Variants in ANKRD11 observed in about 807,000 individuals in gnomAD.
The protein encoded by ANKRD11 is ankyrin repeat domain 11.
In ANKRD11, 17 loss-of-function variants were observed where a neutral mutation model predicts 195.7. The ratio of observed to expected loss-of-function variants is 0.09; its 90% CI spans 0.06 to 0.13. The LOEUF is 0.13. Ranked by LOEUF, ANKRD11 falls within the 10% of genes least tolerant of loss-of-function variation. ANKRD11 has a pLI of 1.00. For synonymous variants in ANKRD11, 1,953 were observed against 1,528.1 expected, an observed-to-expected ratio of 1.28 and a Z score of -6.49; for missense variants, 3,735 against 3,566.1, an observed-to-expected ratio of 1.05 and a Z score of -1.21.
chr16:89,449,814 T>A (rs551412765), intron 1 of ANKRD11, among the ~76,000 whole-genome samples: 1 of 152,086 alleles, frequency 6.6e-6, no homozygotes, highest in African/African-American at 2.4e-5. Context: ...AAAGTGTGCA[T>A]ACCAACCTGG....
Position 89,279,882 on chromosome 16 carries a change from C to T in ANKRD11, c.6660G>A (p.Ala2220=), listed in dbSNP as rs1274713579. ...EPKLDVALEA[A]VEAETVPEER... Reference sequence around the variant, plus strand: ...CTTCCGGCACCGTCTCCGCCTCCACCGCAGCTTCTAGAGCCACGTCCAGCT... The same window carrying T: ...CTTCCGGCACCGTCTCCGCCTCCACTGCAGCTTCTAGAGCCACGTCCAGCT... Residue 2220 remains alanine (A), a synonymous_variant, in exon 9 of 13, where the codon GCG becomes GCA. Coordinates refer to ENST00000301030, the MANE Select transcript of ANKRD11 (RefSeq NM_013275.6). This position sits in a 1 kb window ranked among gnomAD's most constrained non-coding sequence, Gnocchi z 5.6. The T allele has an allele frequency of 5.0e-6, 8 of 1,592,760 alleles. No homozygotes were observed. Among genetic ancestry groups the T allele is most frequent in the East Asian group, 4.5e-5 (2 of 44,102 alleles).
chr16:89,398,389 G>C (rs1182487016), intron 2 of ANKRD11, among the ~76,000 whole-genome samples: 6 of 88,110 alleles, frequency 6.8e-5, no homozygotes. Flanking sequence ...TGAAACAGAT[G>C]AAGATTACCT....
chr16:89,295,392 G>A (rs1296314054), intron 4 of ANKRD11, among the ~76,000 whole-genome samples: 1 of 152,190 alleles, frequency 6.6e-6, no homozygotes, highest in African/African-American at 2.4e-5. Flanking sequence ...TAAGAAACAA[G>A]GCCCGTAGGG....
intron 2 of ANKRD11, chr16:89,392,519 A>C (rs757709116): frequency 1.3e-5 from 2 of 152,008 alleles, no homozygotes; most frequent in Non-Finnish European, 1.5e-5. Context: ...CATGTTTTCC[A>C]TGAGCAGCAC....
chr16:89,489,620 G>A (rs1406401460), intron 1 of ANKRD11, among the ~76,000 whole-genome samples: 1 of 151,966 alleles, frequency 6.6e-6, no homozygotes, highest in African/African-American at 2.4e-5. Context: ...CACGGCGAAG[G>A]CGCCCCTCTC....
intron 1 of ANKRD11, among the ~76,000 whole-genome samples, chr16:89,486,935 G>A (rs193093848): frequency 1.6e-3 from 240 of 151,870 alleles, no homozygotes; most frequent in African/African-American, 5.6e-3. Context: ...CTTAAACCCA[G>A]GAGGTGGAGG....
intron 2 of ANKRD11, among the ~76,000 whole-genome samples, chr16:89,368,457 G>A (rs752151270): frequency 8.2e-5 from 11 of 134,360 alleles, no homozygotes; most frequent in Admixed American, 2.7e-4. Flanking sequence ...TCCTGACCTC[G>A]TGATCCACCT....
intron 2 of ANKRD11, among the ~76,000 whole-genome samples, chr16:89,399,715 G>C (rs979780305): frequency 6.6e-6 from 1 of 152,226 alleles, no homozygotes; most frequent in Non-Finnish European, 1.5e-5. Flanking sequence ...GGCCGCTCTT[G>C]TGGGGATGCT....
In ANKRD11 at chr16:89,284,659, A is replaced by C; in HGVS notation, c.1883T>G (p.Val628Gly). The change falls in exon 9 of 13, where the codon GTT becomes GGT. Residue 628 changes from valine (V) to glycine (G), a missense_variant. By Grantham distance (109) the Val-to-Gly change is moderately radical. Transcript: ENST00000301030. ...GTGTTTTGTTTTATGTTTTTTGACAACTTTCCCCTCCTTGTCCAGTTTGGG... is the reference window on the plus strand; with the variant it reads ...GTGTTTTGTTTTATGTTTTTTGACACCTTTCCCCTCCTTGTCCAGTTTGGG... ...AVPKLDKEGK[V>G]VKKHKTKHKH... 6.2e-7 allele frequency: 1 copy of C among 1,613,978 alleles called. No individual in the cohort carries two copies. Among genetic ancestry groups the C allele is most frequent in the South Asian group, 1.1e-5 (1 of 91,080 alleles).
At chr16:89,275,870 T>G (rs532792444) in intron 9 of ANKRD11, among the ~76,000 whole-genome samples, 1 of 152,240 alleles carries the variant, frequency 6.6e-6, no homozygotes, top group African/African-American at 2.4e-5. Flanking sequence ...CCTCACACTC[T>G]TGGAGAAACA....
At chr16:89,286,715 C>T in intron 7 of ANKRD11, 1 of 1,266,412 alleles carries the variant, frequency 7.9e-7, no homozygotes, top group Non-Finnish European at 1.0e-6. Context: ...ATAATCTCTC[C>T]CTTGCTTGAT....
chr16:89,475,366 C>T (rs906571889), intron 1 of ANKRD11, among the ~76,000 whole-genome samples: 1 of 152,136 alleles, frequency 6.6e-6, no homozygotes, highest in African/African-American at 2.4e-5. Flanking sequence ...GTGACTGCTG[C>T]CTCCCAGAGA....
intron 2 of ANKRD11, among the ~76,000 whole-genome samples, chr16:89,339,140 A>C (rs1276227835): frequency 1.3e-5 from 2 of 152,188 alleles, no homozygotes; most frequent in Non-Finnish European, 2.9e-5. Flanking sequence ...TCTCAAGGAC[A>C]CCAACACCAG....
chr16:89,363,621 A>C (rs566605137), intron 2 of ANKRD11, among the ~76,000 whole-genome samples: 1 of 152,070 alleles, frequency 6.6e-6, no homozygotes, highest in Non-Finnish European at 1.5e-5. Flanking sequence ...ATTCAAACGC[A>C]CTCTGTGTGC....
chr16:89,384,879 C>CTTTTTCTTTTTTTTTTTTTTTTT (rs2040833636), intron 2 of ANKRD11, among the ~76,000 whole-genome samples: 1 of 49,910 alleles, frequency 2.0e-5, no homozygotes, highest in African/African-American at 7.9e-5. Context: ...AAATAGTTTT[C>CTTTTTCTTTTTTTTTTTTTTTTT]TTTTTTTTTT....
At chr16:89,420,346 G>A (rs997506664) in intron 1 of ANKRD11, 1 of 152,194 alleles carries the variant, frequency 6.6e-6, no homozygotes, top group African/African-American at 2.4e-5. Context: ...CAACAGGGTT[G>A]AGCAGCGTCG....
chr16:89,280,524 C>A lies in ANKRD11; in HGVS notation c.6018G>T (p.Gly2006=). The A allele has an allele frequency of 1.2e-6, 2 of 1,611,300 alleles. No individual in the cohort carries two copies. Among genetic ancestry groups the A allele is most frequent in the South Asian group, 2.2e-5 (2 of 90,974 alleles). ...ACGGCGCCTCCGAGGCGCTGAAGGG[C>A]CCTGGGGCGGCAGAGTGGAGGGGGT... ...PADPLHSAAP[G]PFSASEAPYP... Residue 2006 remains glycine (G), a synonymous_variant, in exon 9 of 13, where the codon GGG becomes GGT. Transcript: ENST00000301030.
At chr16:89,322,899 A>C (rs1388218659) in intron 2 of ANKRD11, among the ~76,000 whole-genome samples, 1 of 152,232 alleles carries the variant, frequency 6.6e-6, no homozygotes, top group Non-Finnish European at 1.5e-5. Context: ...GCTGGAGTGC[A>C]GCGGTGTGAT....
In ANKRD11 at chr16:89,280,660, C is replaced by T. The variant is rs199964892; in HGVS notation, c.5882G>A (p.Ser1961Asn). Residue 1961 changes from serine to asparagine, a missense_variant, in exon 9 of 13, where the codon AGC becomes AAC. Coordinates refer to ENST00000301030, the MANE Select transcript of ANKRD11 (RefSeq NM_013275.6). ...AHPSEQALAS[S>N]LIGGTSENPV... ...GTTTTCAGAGGTGCCCCCGATCAGG[C>T]TAGAGGCAAGCGCCTGCTCGGAGGG... 6.2e-7 allele frequency: 1 copy of T among 1,613,440 alleles called. No homozygotes were observed. The highest frequency in any genetic ancestry group is 1.1e-5 in the South Asian group (1 of 91,088).
Sources: allele counts gnomAD v4.1 joint callset (sites outside exome capture counted in the v4.1 genomes callset), GRCh38; gene constraint gnomAD v4.1.1; non-coding constraint Gnocchi (gnomAD v3.1); transcripts MANE v1.5; gene names NCBI Gene and HGNC (gene_info 2026-07-23, HGNC 2026-07-21).